The following RPS6KC1 variants were observed in gnomAD, a reference collection of about 807,000 sequenced individuals.
RPS6KC1 encodes inactive ribosomal protein S6 kinase delta-1.
RPS6KC1 carries 54 observed loss-of-function variants against 103.8 expected under a neutral mutation model. The observed-to-expected ratio is 0.52, with a 90% CI of 0.42 to 0.65. RPS6KC1 has a LOEUF of 0.65. RPS6KC1 is among the 30% of genes least tolerant of loss of function. The pLI, the probability that RPS6KC1 is intolerant of heterozygous loss-of-function variation, is 0.00. For synonymous variants in RPS6KC1, 439 were observed against 438.7 expected (o/e 1.00, Z -0.01); for missense variants, 1,151 against 1,253.8 (o/e 0.92, Z 1.24).
At chr1:213,722,949 T>G in the RPS6KC1 span, among the ~76,000 whole-genome samples, 1 of 152,184 alleles carries the variant, frequency 6.6e-6, no homozygotes, top group East Asian at 1.9e-4. Context: ...GAGGCCGAGG[T>G]TGGTGGATCA....
the RPS6KC1 span, among the ~76,000 whole-genome samples, chr1:213,853,979 G>T: frequency 6.6e-6 from 1 of 152,142 alleles, no homozygotes. Flanking sequence ...TTCTTCCTAT[G>T]GTCCCTTATT....
At chr1:213,470,866 C>G in the RPS6KC1 span, among the ~76,000 whole-genome samples, 1 of 152,162 alleles carries the variant, frequency 6.6e-6, no homozygotes, top group Non-Finnish European at 1.5e-5. Flanking sequence ...CTCAAGTGAT[C>G]CTCCTCCTTC....
chr1:213,461,981 G>A, the RPS6KC1 span, among the ~76,000 whole-genome samples: 2 of 152,104 alleles, frequency 1.3e-5, no homozygotes, highest in Non-Finnish European at 2.9e-5. Flanking sequence ...GAATGAAGAG[G>A]CAACCTACAG....
At chr1:213,535,063 T>C in the RPS6KC1 span, among the ~76,000 whole-genome samples, 1 of 152,222 alleles carries the variant, frequency 6.6e-6, no homozygotes, top group Non-Finnish European at 1.5e-5. Context: ...GGGGGATTTG[T>C]GCATTTTGCA....
the RPS6KC1 span, among the ~76,000 whole-genome samples, chr1:213,477,577 A>G: frequency 6.6e-6 from 1 of 152,224 alleles, no homozygotes; most frequent in Non-Finnish European, 1.5e-5. Flanking sequence ...TTACTGATCT[A>G]TATTTCTGAT....
intron 3 of RPS6KC1, among the ~76,000 whole-genome samples, chr1:213,084,114 C>G (rs1186123088): frequency 2.0e-5 from 3 of 152,030 alleles, no homozygotes; most frequent in Non-Finnish European, 4.4e-5. Flanking sequence ...TTGCTGGTGT[C>G]TCTCTCACTC....
chr1:213,350,931 A>G, the RPS6KC1 span, among the ~76,000 whole-genome samples: 3 of 152,150 alleles, frequency 2.0e-5, no homozygotes, highest in South Asian at 2.1e-4. Flanking sequence ...TGTTTTATAT[A>G]TGATTGGGTA....
the RPS6KC1 span, among the ~76,000 whole-genome samples, chr1:213,797,952 C>A: frequency 6.6e-6 from 1 of 152,216 alleles, no homozygotes; most frequent in Non-Finnish European, 1.5e-5. Flanking sequence ...GGCACCTAGA[C>A]CTCTCAAGAG....
At chr1:213,170,922 A>G (rs1054398248) in intron 7 of RPS6KC1, among the ~76,000 whole-genome samples, 1 of 152,188 alleles carries the variant, frequency 6.6e-6, no homozygotes, top group Non-Finnish European at 1.5e-5. Flanking sequence ...CTTTAGCTCA[A>G]ATTTGGTGCA....
the RPS6KC1 span, among the ~76,000 whole-genome samples, chr1:213,354,975 T>C: frequency 6.6e-6 from 1 of 152,290 alleles, no homozygotes; most frequent in Non-Finnish European, 1.5e-5. Context: ...CCCAGCACTT[T>C]GGGAGGCCGA....
At chr1:213,496,318 A>G in the RPS6KC1 span, among the ~76,000 whole-genome samples, 2 of 152,216 alleles carry the variant, frequency 1.3e-5, no homozygotes, top group African/African-American at 4.8e-5. Flanking sequence ...TGTGCTTTGC[A>G]AGAGACATCT....
chr1:213,444,391 A>G, the RPS6KC1 span, among the ~76,000 whole-genome samples: 3 of 152,100 alleles, frequency 2.0e-5, no homozygotes, highest in African/African-American at 7.2e-5. Context: ...GATGTGGGGT[A>G]GAGCGGCCCC....
chr1:213,447,906 T>G, the RPS6KC1 span, among the ~76,000 whole-genome samples: 1 of 152,350 alleles, frequency 6.6e-6, no homozygotes, highest in Admixed American at 6.5e-5. Flanking sequence ...TATAATTTAA[T>G]TTTTTGATAA....
At chr1:213,573,001 GA>G in the RPS6KC1 span, among the ~76,000 whole-genome samples, 1 of 152,012 alleles carries the variant, frequency 6.6e-6, no homozygotes, top group Non-Finnish European at 1.5e-5. Flanking sequence ...CAGCTGTGAG[GA>G]AAAACAATGT....
chr1:213,671,026 T>C, the RPS6KC1 span, among the ~76,000 whole-genome samples: 719 of 152,318 alleles, frequency 4.7e-3, 4 homozygotes, highest in African/African-American at 0.016. Flanking sequence ...GAGCCATTCA[T>C]GTGGCTTTGA....
downstream of RPS6KC1, among the ~76,000 whole-genome samples, chr1:213,277,477 A>G (rs1391032880): frequency 6.6e-6 from 1 of 152,200 alleles, no homozygotes; most frequent in East Asian, 1.9e-4. Context: ...GATGCAGCAG[A>G]GCACTTGGCA....
chr1:213,107,327 A>G (rs61834105), intron 4 of RPS6KC1, among the ~76,000 whole-genome samples: 5,193 of 152,260 alleles, frequency 0.034, 122 homozygotes, highest in Middle Eastern at 0.054. Context: ...AGCCTGGGGC[A>G]ACCACCTTGT....
chr1:213,051,322 C>T lies in RPS6KC1; in HGVS notation c.-83C>T, dbSNP rs576864185. ...CCGCCCCCTCGCCGCTTCGCCGCTG[C>T]GTTGGGGAACCTGGACCGCGGCGGC... is the stretch of plus-strand genomic sequence containing the variant. On this transcript the variant is annotated 5_prime_UTR_variant, in exon 1 of 15. Transcript: ENST00000366960. The T allele has an allele frequency of 5.7e-6, 6 of 1,048,964 alleles. No homozygotes were observed. The highest frequency in any genetic ancestry group is 5.3e-5 in the South Asian group (4 of 75,142). The allele number at this position is 1,048,964 out of a possible 1,614,324, so 65.0% of individuals were successfully genotyped here. A position where few individuals can be genotyped will look rare whatever the true frequency, so the allele number is the denominator to read the frequency against.
chr1:213,798,178 G>A, the RPS6KC1 span, among the ~76,000 whole-genome samples: 1 of 152,152 alleles, frequency 6.6e-6, no homozygotes, highest in Admixed American at 6.5e-5. Context: ...AAATAATTAA[G>A]CAGGTCATTA....
Sources: allele counts gnomAD v4.1 joint callset (sites outside exome capture counted in the v4.1 genomes callset), GRCh38; gene constraint gnomAD v4.1.1; transcripts MANE v1.5; gene names NCBI Gene and HGNC (gene_info 2026-07-23, HGNC 2026-07-21).